Variants in DYNC2H1 observed in about 807,000 individuals in gnomAD.
DYNC2H1 encodes the protein cytoplasmic dynein 2 heavy chain 1.
Under a neutral mutation model 570.0 loss-of-function variants are expected in DYNC2H1, and 410 were observed. The ratio of observed to expected loss-of-function variants is 0.72; its 90% CI spans 0.66 to 0.78. The LOEUF (loss-of-function observed/expected upper bound fraction) is 0.78, where lower values mean the gene tolerates loss of function less well. Among genes scored for constraint, DYNC2H1 ranks in the 30% least tolerant of loss-of-function variants. The pLI is 0.00. For synonymous variants in DYNC2H1, 1,688 were observed against 1,677.6 expected, an observed-to-expected ratio of 1.01 and a Z score of -0.15; for missense variants, 4,865 against 5,046.4, an observed-to-expected ratio of 0.96 and a Z score of 1.09.
chr11:103,188,689 TATC>T (rs1472628385), intron 44 of DYNC2H1, 41 bp downstream of exon 44: 4 of 1,370,228 alleles, frequency 2.9e-6, no homozygotes, highest in Non-Finnish European at 3.8e-6. Flanking sequence ...TTTGGGAAGA[TATC>T]ATATATAAAT....
intron 39 of DYNC2H1, among the ~76,000 whole-genome samples, chr11:103,180,422 A>G (rs936378158): frequency 2.0e-5 from 3 of 151,722 alleles, no homozygotes; most frequent in African/African-American, 7.2e-5. Flanking sequence ...TAAGTAGAAT[A>G]CTATTAATAT....
intron 17 of DYNC2H1, among the ~76,000 whole-genome samples, chr11:103,141,339 T>C (rs1859913383): frequency 6.6e-6 from 1 of 152,216 alleles, no homozygotes; most frequent in Non-Finnish European, 1.5e-5. Context: ...TGGTTTTATC[T>C]ACTTTTGGTC....
intron 83 of DYNC2H1, among the ~76,000 whole-genome samples, chr11:103,376,477 ATTTC>A (rs1433380516): frequency 2.0e-5 from 3 of 151,884 alleles, no homozygotes; most frequent in Non-Finnish European, 2.9e-5. Flanking sequence ...ATTTGTTGTA[ATTTC>A]TTTCTTTGTT....
At chr11:103,182,871 A>T (rs1396811954) in intron 40 of DYNC2H1, among the ~76,000 whole-genome samples, 1 of 151,920 alleles carries the variant, frequency 6.6e-6, no homozygotes, top group Non-Finnish European at 1.5e-5. Flanking sequence ...TCGTTTTCTC[A>T]AACTTTTTCT....
At chr11:103,278,784 C>G (rs945510158) in intron 70 of DYNC2H1, among the ~76,000 whole-genome samples, 2 of 152,082 alleles carry the variant, frequency 1.3e-5, no homozygotes, top group African/African-American at 4.8e-5. Context: ...CCAGGCTGGT[C>G]TCGAACTCCT....
rs1419723676 is a variant in DYNC2H1, at chr11:103,245,957, A to G, written c.10042+583A>G. ...ATATACGTACGTGAATGTATGCCAC[A>G]TACGTTGCTAGCACAGCAAACTTTA... is the stretch of plus-strand genomic sequence containing the variant. On this transcript the variant is annotated intron_variant, in intron 65 of 88. Coordinates refer to ENST00000375735, the MANE Select transcript of DYNC2H1 (RefSeq NM_001377.3). This position sits in a 1 kb window ranked among gnomAD's most constrained non-coding sequence, Gnocchi z 4.5. Among the ~76,000 whole-genome samples, 1 of 152,146 alleles carries G rather than the reference A, an allele frequency of 6.6e-6. No individual in the cohort carries two copies. The highest frequency in any genetic ancestry group is 1.9e-4 in the East Asian group (1 of 5,198).
Position 103,369,180 on chromosome 11 carries a change from C to T in DYNC2H1, c.12156+10821C>T, listed in dbSNP as rs1260517552. Among the ~76,000 whole-genome samples, 1 of 152,136 alleles carries T rather than the reference C, an allele frequency of 6.6e-6. No homozygotes were observed. Among genetic ancestry groups the T allele is most frequent in the Non-Finnish European group, 1.5e-5 (1 of 68,030 alleles). On this transcript the variant is annotated intron_variant, in intron 83 of 88. Coordinates refer to ENST00000375735, the MANE Select transcript of DYNC2H1 (RefSeq NM_001377.3). The surrounding 1 kb of genome is among the most constrained non-coding windows in gnomAD (Gnocchi z 4.0). ...TGCACTGGGGAGAGGGAGATTGCAG[C>T]ATTTGTGAGGCACTGAACCCAGTGC...
intron 83 of DYNC2H1, among the ~76,000 whole-genome samples, chr11:103,372,750 G>T (rs1207920922): frequency 6.6e-6 from 1 of 152,084 alleles, no homozygotes; most frequent in Non-Finnish European, 1.5e-5. Flanking sequence ...AATCATGCTG[G>T]CTTTGTAAAA....
At chr11:103,378,856 T>A (rs1315765577) in intron 83 of DYNC2H1, among the ~76,000 whole-genome samples, 1 of 152,180 alleles carries the variant, frequency 6.6e-6, no homozygotes, top group African/African-American at 2.4e-5. Flanking sequence ...ATTGAAAAAA[T>A]TAATCTGATT....
chr11:103,291,803 A>G (rs946433609), intron 75 of DYNC2H1, among the ~76,000 whole-genome samples: 1 of 152,218 alleles, frequency 6.6e-6, no homozygotes, highest in African/African-American at 2.4e-5. Context: ...TCATTACACA[A>G]TGACTTTGTT....
At chr11:103,434,093 A>G (rs138696644) in intron 84 of DYNC2H1, among the ~76,000 whole-genome samples, 155 of 152,194 alleles carry the variant, frequency 1.0e-3, no homozygotes, top group African/African-American at 3.2e-3. Context: ...ATACATTTCA[A>G]TAAGATGTAG....
chr11:103,307,235 C>G (rs1867333413), intron 77 of DYNC2H1, among the ~76,000 whole-genome samples: 1 of 151,996 alleles, frequency 6.6e-6, no homozygotes, highest in African/African-American at 2.4e-5. Context: ...TAAGGTGCTA[C>G]TAAAAATTGT....
intron 53 of DYNC2H1, 97 bp downstream of exon 53, chr11:103,210,057 T>G: frequency 7.8e-7 from 1 of 1,277,980 alleles, no homozygotes; most frequent in Non-Finnish European, 1.0e-6. Flanking sequence ...TGATTATAAA[T>G]TTGAATAATG....
At chr11:103,290,200 G>A (rs1866538091) in intron 75 of DYNC2H1, among the ~76,000 whole-genome samples, 1 of 151,982 alleles carries the variant, frequency 6.6e-6, no homozygotes, top group African/African-American at 2.4e-5. Context: ...TGGGTTGGGG[G>A]GAGACACAAT....
At position 103,363,279 on chromosome 11, in the gene DYNC2H1, C is replaced by CT. The variant is rs1410514125; in HGVS notation, c.12156+4927dup. On this transcript the variant is annotated intron_variant, in intron 83 of 88. Coordinates refer to ENST00000375735, the MANE Select transcript of DYNC2H1 (RefSeq NM_001377.3). The surrounding 1 kb of genome is among the most constrained non-coding windows in gnomAD (Gnocchi z 5.6). ...CTCAGCTTCTCTCATCTCTCCACTG[C>CT]TTTTTTTCTTAATTAGAACTATTAG... Among the ~76,000 whole-genome samples the CT allele has an allele frequency of 6.6e-6, 1 of 152,092 alleles. No homozygotes were observed. The highest frequency in any genetic ancestry group is 2.1e-4 in the South Asian group (1 of 4,820).
At chr11:103,342,323 C>G (rs1414053462) in intron 82 of DYNC2H1, among the ~76,000 whole-genome samples, 1 of 152,008 alleles carries the variant, frequency 6.6e-6, no homozygotes, top group East Asian at 1.9e-4. Flanking sequence ...ATAAAATGGA[C>G]CAATCAGCAC....
At position 103,259,971 on chromosome 11, in the gene DYNC2H1, A is replaced by G. The variant is rs781558344; in HGVS notation, c.10689A>G (p.Leu3563=). ...HMVYEYICRC[L]FKADQLMFAL... ...TATATGAATATATATGTCGTTGTCTATTTAAGGTAAGAAGCATCATATTTT... is the reference window on the plus strand; with the variant it reads ...TATATGAATATATATGTCGTTGTCTGTTTAAGGTAAGAAGCATCATATTTT... Residue 3563 remains leucine, a synonymous_variant, in exon 70 of 89, where the codon CTA becomes CTG. Transcript: ENST00000375735. 1.4e-6 allele frequency: 2 copies of G among 1,479,002 alleles called. No homozygotes were observed. Among genetic ancestry groups the G allele is most frequent in the South Asian group, 1.3e-5 (1 of 74,416 alleles). The allele number at this position is 1,479,002 out of a possible 1,614,324, so 91.6% of individuals were successfully genotyped here. A position where few individuals can be genotyped will look rare whatever the true frequency, so the allele number is the denominator to read the frequency against.
rs762738219 is a variant in DYNC2H1 at position 103,303,226 on chromosome 11, T to C, written c.11229T>C (p.Ala3743=). 1.1e-5 allele frequency: 17 copies of C among 1,612,396 alleles called. No homozygotes were observed. Among genetic ancestry groups the C allele is most frequent in the Non-Finnish European group, 1.4e-5 (17 of 1,178,900 alleles). The part of the protein sequence containing the change: ...PSQELQELAN[A]ERSGECYHQV... ...AGGAACTTCAAGAACTAGCTAATGC[T>C]GAAAGAAGCGGAGAGTGTTATCACC... Residue 3743 remains alanine, a synonymous_variant, in exon 76 of 89, where the codon GCT becomes GCC. Coordinates refer to ENST00000375735, the MANE Select transcript of DYNC2H1 (RefSeq NM_001377.3).
chr11:103,131,416 T>C (rs1033876661), intron 13 of DYNC2H1, among the ~76,000 whole-genome samples: 1 of 152,052 alleles, frequency 6.6e-6, no homozygotes, highest in Non-Finnish European at 1.5e-5. Flanking sequence ...AGCCTCAGAG[T>C]AGCTGGCACT....
Sources: allele counts gnomAD v4.1 joint callset (sites outside exome capture counted in the v4.1 genomes callset), GRCh38; gene constraint gnomAD v4.1.1; non-coding constraint Gnocchi (gnomAD v3.1); transcripts MANE v1.5; gene names NCBI Gene and HGNC (gene_info 2026-07-23, HGNC 2026-07-21).